The following SMYD4 variants were observed in gnomAD, a reference collection of about 807,000 sequenced individuals.
SMYD4 encodes protein-lysine N-methyltransferase SMYD4.
A neutral mutation model predicts 72.8 loss-of-function variants in SMYD4; 68 were observed. The observed-to-expected ratio is 0.93, with a 90% CI of 0.77 to 1.14. The LOEUF is 1.14. SMYD4 is among the 50% of genes most tolerant of loss of function. SMYD4 has a pLI of 0.00. For synonymous variants in SMYD4, 407 were observed against 388.6 expected, an observed-to-expected ratio of 1.05 and a Z score of -0.56; for missense variants, 984 against 1,003.7, an observed-to-expected ratio of 0.98 and a Z score of 0.27.
chr17:1,785,763 C>CAAAAAAAAAAAAAAAAAAA (rs1355052619), intron 7 of SMYD4, among the ~76,000 whole-genome samples: 2 of 42,096 alleles, frequency 4.8e-5, no homozygotes, highest in African/African-American at 2.2e-4. Context: ...GACCCCATCT[C>CAAAAAAAAAAAAAAAAAAA]AAAAAAAAAA....
At chr17:1,799,062 G>A (rs990800055) in intron 5 of SMYD4, among the ~76,000 whole-genome samples, 4 of 151,852 alleles carry the variant, frequency 2.6e-5, no homozygotes, top group Non-Finnish European at 5.9e-5. Flanking sequence ...ACGAGGTCAG[G>A]AGATCGAGAC....
Position 1,784,474 on chromosome 17 carries a change from G to A in SMYD4, c.1885-13C>T. On this transcript the variant is annotated splice_polypyrimidine_tract_variant and intron_variant, in intron 7 of 10. Transcript: ENST00000305513. The stretch of plus-strand genomic sequence containing the variant: ...GCACGTCATCTCCCTGTGGAAGTCA[G>A]TTTTCTCTTTATTCCAATGCCAGGG... 1 of 1,613,934 alleles carries A rather than the reference G, an allele frequency of 6.2e-7. No homozygotes were observed. Among genetic ancestry groups the A allele is most frequent in the Non-Finnish European group, 8.5e-7 (1 of 1,179,978 alleles).
chr17:1,825,438 A>C (rs569002187), intron 2 of SMYD4, among the ~76,000 whole-genome samples: 1 of 152,182 alleles, frequency 6.6e-6, no homozygotes, highest in South Asian at 2.1e-4. Context: ...TCAACTCCCA[A>C]GTAGTTGGAA....
intron 5 of SMYD4, among the ~76,000 whole-genome samples, chr17:1,798,241 C>A (rs1302426047): frequency 6.6e-6 from 1 of 151,662 alleles, no homozygotes; most frequent in Non-Finnish European, 1.5e-5. Flanking sequence ...AGTGATTCTC[C>A]TGCCTCAGCC....
intron 10 of SMYD4, 32 bp from the exon 11 acceptor site, chr17:1,781,471 A>G: frequency 6.2e-7 from 1 of 1,605,614 alleles, no homozygotes; most frequent in Non-Finnish European, 8.5e-7. Context: ...GAGTTAGTTC[A>G]CTGATTTGTG....
chr17:1,784,819 G>C (rs1300182052), intron 7 of SMYD4, among the ~76,000 whole-genome samples: 1 of 151,932 alleles, frequency 6.6e-6, no homozygotes, highest in Non-Finnish European at 1.5e-5. Flanking sequence ...CTCCAGGCTG[G>C]AGTGCAGTGG....
intron 2 of SMYD4, among the ~76,000 whole-genome samples, chr17:1,815,853 C>T (rs549585849): frequency 6.6e-6 from 1 of 152,116 alleles, no homozygotes; most frequent in South Asian, 2.1e-4. Flanking sequence ...GCACCTGCCA[C>T]CATGACCAGC....
chr17:1,804,677 T>G lies in SMYD4; in HGVS notation c.318A>C (p.Ser106=). 6.2e-7 allele frequency: 1 copy of G among 1,613,678 alleles called. No individual in the cohort carries two copies. The highest frequency in any genetic ancestry group is 1.1e-5 in the South Asian group (1 of 91,080). Residue 106 remains serine, a synonymous_variant, in exon 4 of 11, where the codon TCA becomes TCC. Transcript: ENST00000305513. ...CTGCCGAGCGGTTAGCATGACACAGTGACATGTCCTCAGTGTTAGGCCTTG... is the reference window on the plus strand; with the variant it reads ...CTGCCGAGCGGTTAGCATGACACAGGGACATGTCCTCAGTGTTAGGCCTTG... ...SHSRPNTEDM[S]LCHANRSAAL...
At position 1,787,240 on chromosome 17, in the gene SMYD4, G is replaced by A. The variant is rs547501934; in HGVS notation, c.1720+182C>T. ...CGAGACATAGTTTAGCCGCAATAGG[G>A]CCCTAGCACGAAGGCCATTCCTTCC... On this transcript the variant is annotated intron_variant, in intron 6 of 10. Coordinates refer to ENST00000305513, the MANE Select transcript of SMYD4 (RefSeq NM_052928.3). Among the ~76,000 whole-genome samples the A allele has an allele frequency of 2.6e-5, 4 of 152,356 alleles. No homozygotes were observed. The South Asian group carries it at 8.3e-4, about 32-fold the overall frequency.
chr17:1,784,055 G>A (rs1597364227), intron 8 of SMYD4, among the ~76,000 whole-genome samples: 1 of 152,340 alleles, frequency 6.6e-6, no homozygotes, highest in Middle Eastern at 3.4e-3. Flanking sequence ...GGATGTCAGC[G>A]ATGACCCGTT....
chr17:1,823,983 G>C (rs943172590), intron 2 of SMYD4, among the ~76,000 whole-genome samples: 3 of 152,136 alleles, frequency 2.0e-5, no homozygotes, highest in Non-Finnish European at 4.4e-5. Context: ...TAGTTTCATA[G>C]CTAAAAGTTT....
chr17:1,802,224 C>A (rs936635511), intron 4 of SMYD4, among the ~76,000 whole-genome samples: 1 of 152,170 alleles, frequency 6.6e-6, no homozygotes, highest in African/African-American at 2.4e-5. Context: ...GGCATGGTGG[C>A]TCACGCCTGT....
At chr17:1,810,783 G>A (rs1017893052) in intron 3 of SMYD4, among the ~76,000 whole-genome samples, 1 of 152,256 alleles carries the variant, frequency 6.6e-6, no homozygotes, top group Non-Finnish European at 1.5e-5. Flanking sequence ...ATGTTGTCAG[G>A]AGTATGCCGG....
intron 4 of SMYD4, among the ~76,000 whole-genome samples, 195 bp from the exon 5 acceptor site, chr17:1,801,219 T>C (rs1246289942): frequency 6.7e-6 from 1 of 149,878 alleles, no homozygotes; most frequent in Non-Finnish European, 1.5e-5. Context: ...GATATTGTTA[T>C]GCTTAATGTT....
At chr17:1,787,365 G>A (rs931700098) in intron 6 of SMYD4, 57 bp downstream of exon 6, 30 of 1,544,004 alleles carry the variant, frequency 1.9e-5, no homozygotes, top group African/African-American at 2.7e-5. Context: ...GCTGACTTGC[G>A]TCCCCGTCCT....
chr17:1,789,803 T>C (rs76741720), intron 5 of SMYD4, among the ~76,000 whole-genome samples: 145 of 142,698 alleles, frequency 1.0e-3, no homozygotes, highest in Middle Eastern at 7.2e-3. Flanking sequence ...AAACACTGAA[T>C]ATAGGAATAA....
rs1483718396 is a variant in SMYD4 at position 1,800,182 on chromosome 17, G to A, written c.1212C>T (p.Ile404=). 5 of 1,610,618 alleles carry A rather than the reference G, an allele frequency of 3.1e-6. No homozygotes were observed. Among genetic ancestry groups the A allele is most frequent in the East Asian group, 2.2e-5 (1 of 44,820 alleles). Residue 404 remains isoleucine, a synonymous_variant, in exon 5 of 11, where the codon ATC becomes ATT. Coordinates refer to ENST00000305513, the MANE Select transcript of SMYD4 (RefSeq NM_052928.3). ...GLGESEKNGN[I]VETPIPGCDI... ...CGCATCCAGGAATTGGGGTCTCAAC[G>A]ATGTTGCCATTTTTCTCACTCTCCC...
chr17:1,781,675 CTT>C (rs887814604), intron 10 of SMYD4: 2,047 of 183,390 alleles, frequency 0.011, no homozygotes, highest in South Asian at 0.026. Context: ...AATCTCAAAG[CTT>C]TTTTTTTTTT....
intron 2 of SMYD4, among the ~76,000 whole-genome samples, chr17:1,816,433 C>T (rs1466247015): frequency 6.6e-6 from 1 of 151,636 alleles, no homozygotes; most frequent in Non-Finnish European, 1.5e-5. Flanking sequence ...TCCTGGCTAA[C>T]AAGGTGAAAC....
Sources: allele counts gnomAD v4.1 joint callset (sites outside exome capture counted in the v4.1 genomes callset), GRCh38; gene constraint gnomAD v4.1.1; transcripts MANE v1.5; gene names NCBI Gene and HGNC (gene_info 2026-07-23, HGNC 2026-07-21).